Variants in STK32B observed in about 807,000 individuals in gnomAD.
The protein encoded by STK32B is serine/threonine-protein kinase 32B.
A neutral mutation model predicts 52.6 loss-of-function variants in STK32B; 43 were observed. The observed-to-expected ratio is 0.82, with a 90% CI of 0.64 to 1.05. STK32B has a LOEUF of 1.05. Ranked by LOEUF, STK32B falls within the 50% of genes least tolerant of loss-of-function variation. The pLI, the probability that STK32B is intolerant of heterozygous loss-of-function variation, is 0.00. For synonymous variants in STK32B, 238 were observed against 204.3 expected (o/e 1.17, Z -1.41); for missense variants, 621 against 534.6 (o/e 1.16, Z -1.59).
intron 6 of STK32B, 67 bp from the exon 7 acceptor site, chr4:5,446,606 C>A: frequency 1.4e-6 from 2 of 1,400,084 alleles, no homozygotes; most frequent in Admixed American, 1.8e-5. Flanking sequence ...TCCTTGTCCC[C>A]TCTCTAAGGG....
At chr4:5,370,996 GTATATA>G (rs1553879921) in intron 4 of STK32B, among the ~76,000 whole-genome samples, 17 of 141,074 alleles carry the variant, frequency 1.2e-4, no homozygotes, top group African/African-American at 3.7e-4. Flanking sequence ...GTGTGTGTGT[GTATATA>G]TATATATATG....
intron 2 of STK32B, among the ~76,000 whole-genome samples, chr4:5,147,512 G>A (rs1717004691): frequency 6.6e-6 from 1 of 151,916 alleles, no homozygotes; most frequent in South Asian, 2.1e-4. Context: ...TAATTTTAGG[G>A]GAAAAAGTGT....
chr4:5,452,313 TGA>T (rs1253000868), intron 7 of STK32B, among the ~76,000 whole-genome samples: 3 of 138,798 alleles, frequency 2.2e-5, no homozygotes, highest in Non-Finnish European at 4.8e-5. Flanking sequence ...CGCCGAGAGG[TGA>T]GAGAGCGGCA....
chr4:5,123,542 C>A (rs757228972), intron 1 of STK32B, among the ~76,000 whole-genome samples: 28 of 152,120 alleles, frequency 1.8e-4, no homozygotes, highest in Admixed American at 3.9e-4. Flanking sequence ...CTGGAGGCAA[C>A]AAGTCTGAGA....
chr4:5,268,305 T>G (rs1727181229), intron 3 of STK32B, among the ~76,000 whole-genome samples: 1 of 152,204 alleles, frequency 6.6e-6, no homozygotes, highest in Non-Finnish European at 1.5e-5. Context: ...CATTATATAC[T>G]GCAAATGTGC....
the STK32B span, among the ~76,000 whole-genome samples, chr4:5,043,298 C>A: frequency 6.6e-6 from 1 of 152,098 alleles, no homozygotes; most frequent in Non-Finnish European, 1.5e-5. Flanking sequence ...TGGAAAATTT[C>A]TTTCTGTGGA....
chr4:5,397,382 G>A (rs2969626), intron 4 of STK32B, among the ~76,000 whole-genome samples: 142,246 of 152,246 alleles, frequency 0.93, 67,044 homozygotes, highest in East Asian at 1. Context: ...TGTGTCGGGC[G>A]CTGTGCTAGG....
intron 11 of STK32B, among the ~76,000 whole-genome samples, chr4:5,494,329 T>C (rs1720015018): frequency 6.6e-6 from 1 of 152,138 alleles, no homozygotes; most frequent in Admixed American, 6.5e-5. Flanking sequence ...TTTACCATTA[T>C]GTAATGGCCT....
intron 3 of STK32B, among the ~76,000 whole-genome samples, chr4:5,328,112 G>A (rs959019411): frequency 1.3e-5 from 2 of 152,326 alleles, no homozygotes; most frequent in Admixed American, 6.5e-5. Flanking sequence ...TAGAACTGAA[G>A]AGAGTTAAGG....
intron 3 of STK32B, among the ~76,000 whole-genome samples, chr4:5,210,894 C>T (rs1371872009): frequency 6.6e-6 from 1 of 151,584 alleles, no homozygotes; most frequent in Non-Finnish European, 1.5e-5. Flanking sequence ...CTCCTGGGCT[C>T]AGGTGATCCT....
At chr4:5,111,291 C>T (rs184944348) in intron 1 of STK32B, among the ~76,000 whole-genome samples, 123 of 152,182 alleles carry the variant, frequency 8.1e-4, no homozygotes, top group Middle Eastern at 6.8e-3. Flanking sequence ...TAAATTATTA[C>T]ACAAAAAAGA....
chr4:5,374,307 T>C (rs1735442125), intron 4 of STK32B, among the ~76,000 whole-genome samples: 1 of 152,242 alleles, frequency 6.6e-6, no homozygotes, highest in Non-Finnish European at 1.5e-5. Context: ...TATCTGGAAA[T>C]CATCTGTACT....
At chr4:5,266,261 A>G (rs1727051311) in intron 3 of STK32B, among the ~76,000 whole-genome samples, 1 of 152,240 alleles carries the variant, frequency 6.6e-6, no homozygotes, top group East Asian at 1.9e-4. Flanking sequence ...ACTGGCTCAC[A>G]GTCTGTCCCT....
At chr4:5,132,662 T>C (rs1434061442) in intron 1 of STK32B, among the ~76,000 whole-genome samples, 1 of 152,130 alleles carries the variant, frequency 6.6e-6, no homozygotes, top group Non-Finnish European at 1.5e-5. Flanking sequence ...ACAGCAGGAT[T>C]TCAGCCCAGG....
rs1560378594 is a variant in STK32B, at chr4:5,395,312, T to C, written c.435-2895T>C. The stretch of plus-strand genomic sequence containing the variant: ...CACCCATCACCTTTGTCAGCTTCCA[T>C]GGCTAGGACCACGTCACAGGTGAGA... On this transcript the variant is annotated intron_variant, in intron 4 of 11. Coordinates refer to ENST00000282908, the MANE Select transcript of STK32B (RefSeq NM_018401.3). This position sits in a 1 kb window ranked among gnomAD's most constrained non-coding sequence, Gnocchi z 4.4. Among the ~76,000 whole-genome samples the C allele has an allele frequency of 6.6e-6, 1 of 152,232 alleles. No individual in the cohort carries two copies. The highest frequency in any genetic ancestry group is 6.5e-5 in the Admixed American group (1 of 15,288).
In STK32B at chr4:5,450,063, C is replaced by T. The variant is rs145564329; in HGVS notation, c.666+3287C>T. Among the ~76,000 whole-genome samples the T allele has an allele frequency of 2.6e-3, 402 of 152,292 alleles. 1 individual carries two copies. Among genetic ancestry groups the T allele is most frequent in the Non-Finnish European group, 4.0e-3 (270 of 68,022 alleles). On this transcript the variant is annotated intron_variant, in intron 7 of 11. Transcript: ENST00000282908. ...TCTTCCACAAAACCAGTCCCTGGTG[C>T]CAAAAATATTGGGAATCACTGATGC...
chr4:5,432,463 A>G (rs1713675901), intron 6 of STK32B: 2 of 152,208 alleles, frequency 1.3e-5, no homozygotes, highest in Admixed American at 1.3e-4. Context: ...GTTTGCCAAG[A>G]GAGAGGGTAA....
intron 7 of STK32B, among the ~76,000 whole-genome samples, chr4:5,452,316 G>A (rs956386540): frequency 6.6e-6 from 1 of 152,034 alleles, no homozygotes; most frequent in African/African-American, 2.4e-5. Context: ...CGAGAGGTGA[G>A]AGAGCGGCAC....
At chr4:5,217,767 G>GA (rs546116741) in intron 3 of STK32B, among the ~76,000 whole-genome samples, 42 of 152,190 alleles carry the variant, frequency 2.8e-4, no homozygotes, top group Admixed American at 4.6e-4. Context: ...AGAAAGGGAG[G>GA]AGGACTTGGG....
Sources: gnomAD v4.1 joint callset for allele counts (sites outside exome capture counted in the v4.1 genomes callset) on GRCh38, gnomAD v4.1.1 for gene constraint, Gnocchi (gnomAD v3.1) non-coding constraint, MANE v1.5 for transcripts, NCBI Gene and HGNC (gene_info 2026-07-23, HGNC 2026-07-21) for gene names.